Variants in EPHA5 observed in about 807,000 individuals in gnomAD.
EPHA5 encodes the protein ephrin type-A receptor 5.
EPHA5 carries 60 observed loss-of-function variants against 105.0 expected under a neutral mutation model. That is an observed-to-expected ratio of 0.57 (90% CI 0.46 to 0.71). The LOEUF (loss-of-function observed/expected upper bound fraction) is 0.71. EPHA5 is among the 30% of genes least tolerant of loss of function. The pLI is 0.00. For synonymous variants in EPHA5, 513 were observed against 449.1 expected, an observed-to-expected ratio of 1.14 and a Z score of -1.80; for missense variants, 1,218 against 1,274.7, an observed-to-expected ratio of 0.96 and a Z score of 0.68.
intron 8 of EPHA5, among the ~76,000 whole-genome samples, chr4:65,390,110 A>G (rs1720555733): frequency 1.3e-5 from 2 of 152,020 alleles, no homozygotes; most frequent in South Asian, 4.1e-4. Context: ...GACATCTTGA[A>G]AACCTCTCTG....
intron 7 of EPHA5, among the ~76,000 whole-genome samples, chr4:65,407,903 G>A (rs1045331054): frequency 1.9e-4 from 29 of 151,246 alleles, no homozygotes; most frequent in Non-Finnish European, 3.4e-4. Flanking sequence ...CTACAGGCCT[G>A]CACCACCACC....
intron 5 of EPHA5, among the ~76,000 whole-genome samples, chr4:65,458,468 C>A (rs1485281403): frequency 1.3e-5 from 2 of 152,146 alleles, no homozygotes; most frequent in African/African-American, 2.4e-5. Context: ...CTTAGCATGT[C>A]CAAATCCTAC....
intron 5 of EPHA5, among the ~76,000 whole-genome samples, chr4:65,440,135 T>C (rs904558478): frequency 6.6e-6 from 1 of 152,060 alleles, no homozygotes; most frequent in African/African-American, 2.4e-5. Context: ...TTGTTTGCCT[T>C]TTAATAATAT....
chr4:65,588,566 T>C (rs1006249308), intron 3 of EPHA5, among the ~76,000 whole-genome samples: 1 of 152,140 alleles, frequency 6.6e-6, no homozygotes, highest in African/African-American at 2.4e-5. Flanking sequence ...AGAAGTCGGA[T>C]TTTTCACCCA....
intron 8 of EPHA5, among the ~76,000 whole-genome samples, chr4:65,377,988 T>A (rs2148922516): frequency 6.6e-6 from 1 of 151,950 alleles, no homozygotes; most frequent in East Asian, 1.9e-4. Flanking sequence ...AAATCTGTTT[T>A]GAACTTTCAT....
At chr4:65,435,374 C>T (rs772098129) in intron 5 of EPHA5, among the ~76,000 whole-genome samples, 1 of 152,036 alleles carries the variant, frequency 6.6e-6, no homozygotes, top group African/African-American at 2.4e-5. Flanking sequence ...TTCTTGAAGG[C>T]ATACAAAATA....
chr4:65,456,649 C>A (rs1298372545), intron 5 of EPHA5, among the ~76,000 whole-genome samples: 1 of 151,986 alleles, frequency 6.6e-6, no homozygotes, highest in Non-Finnish European at 1.5e-5. Context: ...CATGAGAACA[C>A]AATTATTTTA....
chr4:65,330,161 A>T (rs1054761335), intron 16 of EPHA5, among the ~76,000 whole-genome samples: 1 of 151,446 alleles, frequency 6.6e-6, no homozygotes, highest in Non-Finnish European at 1.5e-5. Flanking sequence ...CTCCCAATGT[A>T]ACTTTACTCT....
At chr4:65,652,609 G>A (rs796883857) in intron 1 of EPHA5, among the ~76,000 whole-genome samples, 14 of 152,126 alleles carry the variant, frequency 9.2e-5, no homozygotes, top group African/African-American at 2.6e-4. Flanking sequence ...TCGCCCCAAC[G>A]TTTGACTGGT....
intron 1 of EPHA5, among the ~76,000 whole-genome samples, chr4:65,650,972 C>G (rs947731394): frequency 6.6e-6 from 1 of 152,052 alleles, no homozygotes; most frequent in Non-Finnish European, 1.5e-5. Context: ...CTCTATTTTC[C>G]CATTTCAGCA....
intron 3 of EPHA5, among the ~76,000 whole-genome samples, chr4:65,502,919 A>G (rs1732637050): frequency 6.6e-6 from 1 of 151,902 alleles, no homozygotes; most frequent in African/African-American, 2.4e-5. Flanking sequence ...ACCGCATGGA[A>G]TACTACACAA....
intron 3 of EPHA5, among the ~76,000 whole-genome samples, chr4:65,564,096 ATTTC>A (rs1167191471): frequency 6.6e-6 from 1 of 151,908 alleles, no homozygotes; most frequent in Non-Finnish European, 1.5e-5. Context: ...ACAAAAAATG[ATTTC>A]TTTGAGGCCT....
chr4:65,371,833 C>G (rs11735125), intron 8 of EPHA5, among the ~76,000 whole-genome samples: 10,272 of 151,904 alleles, frequency 0.068, 700 homozygotes, highest in African/African-American at 0.17. Flanking sequence ...AAATAACGTA[C>G]AGTGGATCAC....
intron 7 of EPHA5, among the ~76,000 whole-genome samples, chr4:65,406,757 T>G (rs2148996672): frequency 6.6e-6 from 1 of 152,230 alleles, no homozygotes; most frequent in African/African-American, 2.4e-5. Flanking sequence ...TTGTTTGGAT[T>G]TTATTGTTAC....
At chr4:65,555,665 A>T (rs537652246) in intron 3 of EPHA5, among the ~76,000 whole-genome samples, 2 of 150,684 alleles carry the variant, frequency 1.3e-5, no homozygotes, top group Non-Finnish European at 2.9e-5. Context: ...GGGCTACTTC[A>T]TCAGGCTCTT....
At chr4:65,564,997 T>C (rs1245952188) in intron 3 of EPHA5, among the ~76,000 whole-genome samples, 1 of 151,712 alleles carries the variant, frequency 6.6e-6, no homozygotes, top group African/African-American at 2.4e-5. Flanking sequence ...ATTCATTACA[T>C]ACAATCTATT....
chr4:65,517,391 GTAA>G (rs1734207618), intron 3 of EPHA5, among the ~76,000 whole-genome samples: 1 of 151,638 alleles, frequency 6.6e-6, no homozygotes, highest in Non-Finnish European at 1.5e-5. Context: ...AAACAGAATA[GTAA>G]TAATTTATTC....
chr4:65,485,714 ACATTCATTGTTGT>A (rs1297628060), intron 5 of EPHA5, among the ~76,000 whole-genome samples: 1 of 152,184 alleles, frequency 6.6e-6, no homozygotes, highest in African/African-American at 2.4e-5. Flanking sequence ...TTGAATCTGG[ACATTCATTGTTGT>A]CACACGCACA....
At chr4:65,532,157 T>C (rs1735867283) in intron 3 of EPHA5, among the ~76,000 whole-genome samples, 1 of 152,130 alleles carries the variant, frequency 6.6e-6, no homozygotes, top group African/African-American at 2.4e-5. Context: ...TCTTTAAAAA[T>C]CCTGCATAAA....
Sources: allele counts gnomAD v4.1 joint callset (sites outside exome capture counted in the v4.1 genomes callset), GRCh38; gene constraint gnomAD v4.1.1; transcripts MANE v1.5; gene names NCBI Gene and HGNC (gene_info 2026-07-23, HGNC 2026-07-21).